HDGFL3: variants seen among roughly 807,000 people sequenced by gnomAD.
The protein encoded by HDGFL3 is HDGF like 3.
A neutral mutation model predicts 27.6 loss-of-function variants in HDGFL3; 6 were observed. The observed-to-expected ratio is 0.22, with a 90% CI of 0.12 to 0.43. HDGFL3 has a LOEUF of 0.43. Ranked by LOEUF, HDGFL3 falls within the 20% of genes least tolerant of loss-of-function variation. The probability of loss-of-function intolerance (pLI) is 1.00; values close to 1 mark genes in which losing one functional copy is unlikely to be tolerated. For synonymous variants in HDGFL3, 88 were observed against 88.9 expected (o/e 0.99, Z 0.05); for missense variants, 207 against 250.1 (o/e 0.83, Z 1.16).
chr15:83,169,628 C>T (rs1210143410), intron 1 of HDGFL3, among the ~76,000 whole-genome samples: 1 of 151,696 alleles, frequency 6.6e-6, no homozygotes, highest in Non-Finnish European at 1.5e-5. Flanking sequence ...ATGCTAAACC[C>T]CGTCTCTACT....
intron 5 of HDGFL3, among the ~76,000 whole-genome samples, chr15:83,142,814 A>T (rs966716293): frequency 1.3e-5 from 2 of 152,222 alleles, no homozygotes; most frequent in African/African-American, 4.8e-5. Flanking sequence ...GTCTTCTATC[A>T]AATCAGACAT....
chr15:83,162,831 A>C (rs1224919710), intron 2 of HDGFL3, among the ~76,000 whole-genome samples: 1 of 152,214 alleles, frequency 6.6e-6, no homozygotes, highest in Non-Finnish European at 1.5e-5. Context: ...TGAAGACTTA[A>C]AAATTTTGTG....
intron 3 of HDGFL3, chr15:83,119,684 A>C (rs1350608300): frequency 1.6e-5 from 26 of 1,614,002 alleles, no homozygotes; most frequent in Admixed American, 5.0e-5. Flanking sequence ...GCATGGGAGT[A>C]AGTCAGTTCA....
At chr15:83,177,091 G>T (rs192825024) in intron 1 of HDGFL3, among the ~76,000 whole-genome samples, 18 of 152,206 alleles carry the variant, frequency 1.2e-4, no homozygotes, top group Admixed American at 9.8e-4. Flanking sequence ...CTAATTTTTT[G>T]TATTTTTAGT....
chr15:83,185,222 C>A (rs899926873), intron 1 of HDGFL3, among the ~76,000 whole-genome samples: 1 of 152,128 alleles, frequency 6.6e-6, no homozygotes, highest in Non-Finnish European at 1.5e-5. Flanking sequence ...CAGGGTTTCA[C>A]CATGTTGGCC....
intron 5 of HDGFL3, among the ~76,000 whole-genome samples, chr15:83,146,858 T>C (rs2151396312): frequency 6.6e-6 from 1 of 152,314 alleles, no homozygotes; most frequent in South Asian, 2.1e-4. Context: ...TTCTCTCTCT[T>C]GAATCTTCCA....
intron 4 of HDGFL3, among the ~76,000 whole-genome samples, chr15:83,155,119 C>T (rs1202956084): frequency 6.6e-6 from 1 of 152,154 alleles, no homozygotes; most frequent in Non-Finnish European, 1.5e-5. Context: ...CTTGTCTCAG[C>T]CACTCAAAGT....
intron 2 of HDGFL3, among the ~76,000 whole-genome samples, chr15:83,163,459 T>A (rs1167257756): frequency 6.6e-6 from 1 of 152,218 alleles, no homozygotes; most frequent in Non-Finnish European, 1.5e-5. Flanking sequence ...TACCTCTGAA[T>A]TATTTCAAAA....
rs566969098 is a variant in HDGFL3 at position 83,137,684 on chromosome 15, A to G, written c.*1586T>C. Reference sequence around the variant, plus strand: ...TCACTAAATGAAAGAAACACACCAAAAATACAAACAGCCACCTCCTCACTG... The same window carrying G: ...TCACTAAATGAAAGAAACACACCAAGAATACAAACAGCCACCTCCTCACTG... On this transcript the variant is annotated 3_prime_UTR_variant, in exon 6 of 6. Transcript: ENST00000299633. The G allele has an allele frequency of 3.0e-4, 46 of 152,290 alleles. No individual in the cohort carries two copies. Among genetic ancestry groups the G allele is most frequent in the African/African-American group, 1.1e-3 (46 of 41,576 alleles). The allele number at this position is 152,290 out of a possible 1,614,324, so 9.4% of individuals were successfully genotyped here.
intron 4 of HDGFL3, among the ~76,000 whole-genome samples, chr15:83,157,108 A>G (rs1204996836): frequency 1.3e-5 from 2 of 152,214 alleles, no homozygotes; most frequent in Non-Finnish European, 2.9e-5. Flanking sequence ...TCAATTCTTT[A>G]GAGCTCGTCT....
At chr15:83,169,280 A>C (rs1311997970) in intron 1 of HDGFL3, 1 of 424,978 alleles carries the variant, frequency 2.4e-6, no homozygotes, top group Admixed American at 2.6e-5. Context: ...CAGGCAAGAG[A>C]AAGAATTTCA....
chr15:83,172,018 C>T (rs936764524), intron 1 of HDGFL3, among the ~76,000 whole-genome samples: 2 of 152,106 alleles, frequency 1.3e-5, no homozygotes, highest in Non-Finnish European at 2.9e-5. Context: ...CAAAGGCCAC[C>T]AGTAACATTC....
chr15:83,196,012 TAC>T (rs2037566692), intron 1 of HDGFL3, among the ~76,000 whole-genome samples: 1 of 151,946 alleles, frequency 6.6e-6, no homozygotes, highest in Admixed American at 6.6e-5. Context: ...TTACAAGTTA[TAC>T]ACATTTATGT....
chr15:83,161,449 C>T (rs1270485047), intron 2 of HDGFL3, among the ~76,000 whole-genome samples: 1 of 152,196 alleles, frequency 6.6e-6, no homozygotes, highest in Non-Finnish European at 1.5e-5. Context: ...GCATGAACCA[C>T]TGCACTCAGC....
rs972164722 is a variant in HDGFL3 at position 83,130,452 on chromosome 15, A to T, written c.*8818T>A. ...TCCTGGGGCTTATCCATCACTGCCC[A>T]GTTGATAAGGCAGCCTGAAGCCCCT... On this transcript the variant is annotated 3_prime_UTR_variant, in exon 6 of 6. Coordinates refer to ENST00000299633, the MANE Select transcript of HDGFL3 (RefSeq NM_016073.4). The T allele has an allele frequency of 1.3e-5, 2 of 152,286 alleles. No individual in the cohort carries two copies. The highest frequency in any genetic ancestry group is 2.9e-5 in the Non-Finnish European group (2 of 68,104). The allele number at this position is 152,286 out of a possible 1,614,324, so 9.4% of individuals were successfully genotyped here. A position where few individuals can be genotyped will look rare whatever the true frequency, so the allele number is the denominator to read the frequency against.
chr15:83,195,545 A>T (rs1846876631), intron 1 of HDGFL3, among the ~76,000 whole-genome samples: 1 of 152,080 alleles, frequency 6.6e-6, no homozygotes, highest in Non-Finnish European at 1.5e-5. Context: ...ATGTCTTATT[A>T]ATTTTTATAA....
At chr15:83,203,351 C>T (rs922569010) in intron 1 of HDGFL3, among the ~76,000 whole-genome samples, 3 of 151,934 alleles carry the variant, frequency 2.0e-5, no homozygotes, top group Non-Finnish European at 2.9e-5. Context: ...CAAGTTGACA[C>T]TATTAATAGT....
At chr15:83,158,318 T>C (rs1484083548) in intron 2 of HDGFL3, among the ~76,000 whole-genome samples, 1 of 152,246 alleles carries the variant, frequency 6.6e-6, no homozygotes, top group Non-Finnish European at 1.5e-5. Context: ...TGATTTTTAG[T>C]TACATAAGTA....
chr15:83,119,495 T>C (rs2035017371), intron 3 of HDGFL3: 1 of 1,379,434 alleles, frequency 7.2e-7, no homozygotes, highest in Non-Finnish European at 1.0e-6. Context: ...GTTCTGCTGT[T>C]TTATTTTACT....
Sources: gnomAD v4.1 joint callset for allele counts (sites outside exome capture counted in the v4.1 genomes callset) on GRCh38, gnomAD v4.1.1 for gene constraint, MANE v1.5 for transcripts, NCBI Gene and HGNC (gene_info 2026-07-23, HGNC 2026-07-21) for gene names.